ACCSL: variants seen among roughly 807,000 people sequenced by gnomAD.
ACCSL encodes the protein 1-aminocyclopropane-1-carboxylate synthase homolog (inactive) like.
Under a neutral mutation model 61.7 loss-of-function variants are expected in ACCSL, and 55 were observed. The ratio of observed to expected loss-of-function variants is 0.89; its 90% CI spans 0.72 to 1.12. The LOEUF (loss-of-function observed/expected upper bound fraction) is 1.12, where lower values mean the gene tolerates loss of function less well. Among genes scored for constraint, ACCSL ranks in the 50% most tolerant of loss-of-function variants. ACCSL has a pLI of 0.00. For synonymous variants in ACCSL, 258 were observed against 264.3 expected, an observed-to-expected ratio of 0.98 and a Z score of 0.23; for missense variants, 632 against 698.0, an observed-to-expected ratio of 0.91 and a Z score of 1.07.
At chr11:43,933,275 A>G in the ACCSL span, 1 of 426,870 alleles carries the variant, frequency 2.3e-6, no homozygotes, top group Admixed American at 2.5e-5. Flanking sequence ...ATGTCCCTGG[A>G]CCTCAGTGTC....
upstream of ACCSL, among the ~76,000 whole-genome samples, chr11:44,045,866 G>A (rs866123310): frequency 6.6e-6 from 1 of 152,174 alleles, no homozygotes; most frequent in African/African-American, 2.4e-5. Context: ...GGTGACACAG[G>A]GCAAAGATAC....
chr11:43,944,981 G>GAA, the ACCSL span: 2 of 152,538 alleles, frequency 1.3e-5, no homozygotes, highest in African/African-American at 4.8e-5. Context: ...GAATCTCTAG[G>GAA]AGATACCCAG....
At chr11:43,970,420 T>A in the ACCSL span, among the ~76,000 whole-genome samples, 1 of 152,106 alleles carries the variant, frequency 6.6e-6, no homozygotes, top group Non-Finnish European at 1.5e-5. Flanking sequence ...CTCAGGTTGG[T>A]CTCAAACTCC....
At position 44,051,378 on chromosome 11, in the gene ACCSL, G is replaced by T. The variant is rs1952637855; in HGVS notation, c.679G>T (p.Ala227Ser). 1 of 1,614,142 alleles carries T rather than the reference G, an allele frequency of 6.2e-7. No individual in the cohort carries two copies. ...CCGGTTCCTGACCTACTACTGCAGGGCACCTACCCGACTTGACCCAGAAAA... is the reference window on the plus strand; with the variant it reads ...CCGGTTCCTGACCTACTACTGCAGGTCACCTACCCGACTTGACCCAGAAAA... Reference protein sequence around the residue: ...VARFLTYYCRAPTRLDPENVV... With the variant: ...VARFLTYYCRSPTRLDPENVV... Residue 227 changes from alanine to serine, a missense_variant, in exon 4 of 14, where the codon GCA becomes TCA. Coordinates refer to ENST00000378832, the MANE Select transcript of ACCSL (RefSeq NM_001031854.2).
upstream of ACCSL, among the ~76,000 whole-genome samples, chr11:44,045,752 A>G (rs1241719065): frequency 6.6e-6 from 1 of 152,156 alleles, no homozygotes; most frequent in Non-Finnish European, 1.5e-5. Context: ...AAGAGCCCCT[A>G]ATTTAACTGA....
chr11:44,038,597 TGTTAGAGGGTAGA>T, the ACCSL span, among the ~76,000 whole-genome samples: 18 of 152,024 alleles, frequency 1.2e-4, no homozygotes, highest in South Asian at 1.9e-3. Flanking sequence ...TGATTTGGGT[TGTTAGAGGGTAGA>T]GTTAGAGGGT....
the ACCSL span, chr11:43,932,954 C>T: frequency 5.1e-6 from 2 of 392,634 alleles, no homozygotes; most frequent in Admixed American, 6.0e-5. Context: ...CTGGGCCACA[C>T]AGCTCTAATA....
chr11:43,955,160 G>A, the ACCSL span, among the ~76,000 whole-genome samples: 1 of 152,172 alleles, frequency 6.6e-6, no homozygotes, highest in African/African-American at 2.4e-5. Flanking sequence ...AGTGAAGACT[G>A]CTAATGGTCC....
At chr11:43,945,376 A>G in the ACCSL span, 1 of 152,154 alleles carries the variant, frequency 6.6e-6, no homozygotes, top group African/African-American at 2.4e-5. Flanking sequence ...CTCCCTGAGG[A>G]CAGAGGGGCG....
At chr11:43,942,092 G>T in the ACCSL span, among the ~76,000 whole-genome samples, 1 of 151,930 alleles carries the variant, frequency 6.6e-6, no homozygotes, top group Admixed American at 6.5e-5. Context: ...GCGCGCCTGC[G>T]GAGGGGGGTG....
the ACCSL span, among the ~76,000 whole-genome samples, chr11:44,034,345 T>C: frequency 6.6e-6 from 1 of 152,204 alleles, no homozygotes; most frequent in Non-Finnish European, 1.5e-5. Flanking sequence ...GCTGAGCATA[T>C]TGCTCTGGGG....
chr11:43,998,648 T>C, the ACCSL span, among the ~76,000 whole-genome samples: 1 of 152,236 alleles, frequency 6.6e-6, no homozygotes, highest in Non-Finnish European at 1.5e-5. Flanking sequence ...TTGACCCAGT[T>C]TGCCCTCTCA....
chr11:44,056,469 GT>G, intron 11 of ACCSL, 143 bp downstream of exon 11: 1 of 1,180,660 alleles, frequency 8.5e-7, no homozygotes, highest in Non-Finnish European at 1.2e-6. Flanking sequence ...AAGATGTGAG[GT>G]TTGAAGGAGG....
chr11:44,049,596 C>T (rs1221013892), intron 1 of ACCSL, among the ~76,000 whole-genome samples: 1 of 152,020 alleles, frequency 6.6e-6, no homozygotes, highest in Admixed American at 6.6e-5. Flanking sequence ...ACTTAGAAGG[C>T]CCTAATGTGT....
At chr11:44,017,553 T>TG in the ACCSL span, among the ~76,000 whole-genome samples, 1 of 152,158 alleles carries the variant, frequency 6.6e-6, no homozygotes, top group African/African-American at 2.4e-5. Context: ...CTCCCAGGCT[T>TG]GGGGGCAATC....
At chr11:43,927,969 C>A in the ACCSL span, among the ~76,000 whole-genome samples, 1 of 152,114 alleles carries the variant, frequency 6.6e-6, no homozygotes, top group Non-Finnish European at 1.5e-5. Flanking sequence ...TGGAAAACAT[C>A]AATAATAAGG....
At chr11:44,031,840 C>T in the ACCSL span, among the ~76,000 whole-genome samples, 2 of 152,212 alleles carry the variant, frequency 1.3e-5, no homozygotes, top group African/African-American at 4.8e-5. Flanking sequence ...TGGATGGTGG[C>T]GGATGCAGGT....
chr11:43,979,083 G>A, the ACCSL span, among the ~76,000 whole-genome samples: 1 of 152,096 alleles, frequency 6.6e-6, no homozygotes, highest in African/African-American at 2.4e-5. Context: ...GTTCTGGGAG[G>A]ATTTTTATGC....
At chr11:43,967,895 C>G in the ACCSL span, among the ~76,000 whole-genome samples, 2 of 152,162 alleles carry the variant, frequency 1.3e-5, no homozygotes, top group African/African-American at 2.4e-5. Context: ...CATATGTTGC[C>G]TCACCCACTC....
Sources: gnomAD v4.1 joint callset for allele counts (sites outside exome capture counted in the v4.1 genomes callset) on GRCh38, gnomAD v4.1.1 for gene constraint, MANE v1.5 for transcripts, NCBI Gene and HGNC (gene_info 2026-07-23, HGNC 2026-07-21) for gene names.